PPP3CB: variants seen among roughly 807,000 people sequenced by gnomAD.
The protein encoded by PPP3CB is protein phosphatase 3 catalytic subunit beta, also known as serine/threonine-protein phosphatase 2B catalytic subunit beta isoform.
Under a neutral mutation model 66.4 loss-of-function variants are expected in PPP3CB, and 8 were observed. The ratio of observed to expected loss-of-function variants is 0.12; its 90% confidence interval spans 0.07 to 0.22. PPP3CB has a LOEUF of 0.22. Among genes scored for constraint, PPP3CB ranks in the 10% least tolerant of loss-of-function variants. The probability of loss-of-function intolerance (pLI) is 1.00; values close to 1 mark genes in which losing one functional copy is unlikely to be tolerated. For synonymous variants in PPP3CB, 208 were observed against 221.2 expected, an observed-to-expected ratio of 0.94 and a Z score of 0.53; for missense variants, 319 against 642.5, an observed-to-expected ratio of 0.50 and a Z score of 5.44.
At chr10:73,467,785 G>T in intron 8 of PPP3CB, 107 bp from the exon 9 acceptor site, 2 of 1,056,180 alleles carry the variant, frequency 1.9e-6, no homozygotes, top group Non-Finnish European at 1.3e-6. Context: ...GAGGAAGGGA[G>T]ATCGGGGGTG....
At chr10:73,442,234 G>A (rs2056161197) in intron 12 of PPP3CB, among the ~76,000 whole-genome samples, 1 of 152,148 alleles carries the variant, frequency 6.6e-6, no homozygotes, top group Non-Finnish European at 1.5e-5. Flanking sequence ...CTTAGTCCAT[G>A]CTGAGAATAG....
chr10:73,462,712 G>A (rs936326773), intron 9 of PPP3CB, among the ~76,000 whole-genome samples: 2 of 152,080 alleles, frequency 1.3e-5, no homozygotes, highest in Non-Finnish European at 2.9e-5. Flanking sequence ...CACTTTGGGA[G>A]GTTGAGGTGG....
At chr10:73,476,788 T>C (rs1198510780) in intron 3 of PPP3CB, among the ~76,000 whole-genome samples, 2 of 152,156 alleles carry the variant, frequency 1.3e-5, no homozygotes, top group Non-Finnish European at 2.9e-5. Flanking sequence ...TGAAGCCCTG[T>C]GACAATTTGG....
chr10:73,472,067 T>C (rs961562036), intron 4 of PPP3CB, among the ~76,000 whole-genome samples: 12 of 152,224 alleles, frequency 7.9e-5, no homozygotes, highest in African/African-American at 2.9e-4. Context: ...ATCTGTCTTA[T>C]GAAGACAAAA....
At chr10:73,443,330 A>AAGAAAGAAAGAAAGAG (rs1458015567) in intron 12 of PPP3CB, among the ~76,000 whole-genome samples, 2 of 138,008 alleles carry the variant, frequency 1.4e-5, no homozygotes, top group Non-Finnish European at 3.2e-5. Flanking sequence ...GAAAGAAAGA[A>AAGAAAGAAAGAAAGAG]AAAGAAAGAG....
chr10:73,472,362 G>A (rs2056715414), intron 4 of PPP3CB, among the ~76,000 whole-genome samples: 1 of 152,050 alleles, frequency 6.6e-6, no homozygotes, highest in Non-Finnish European at 1.5e-5. Flanking sequence ...AGGCATGCTG[G>A]TGTGCACCTG....
chr10:73,447,104 T>C (rs1398593285), intron 10 of PPP3CB, among the ~76,000 whole-genome samples: 1 of 152,218 alleles, frequency 6.6e-6, no homozygotes, highest in Non-Finnish European at 1.5e-5. Flanking sequence ...ATGAATGGCA[T>C]GAAGGAGCTA....
chr10:73,462,420 G>A (rs74496369), intron 9 of PPP3CB, among the ~76,000 whole-genome samples: 2 of 151,896 alleles, frequency 1.3e-5, no homozygotes, highest in South Asian at 4.2e-4. Context: ...AACGGTATGA[G>A]GGTCCTACTG....
chr10:73,480,692 G>A (rs747615240), intron 1 of PPP3CB, among the ~76,000 whole-genome samples: 2 of 152,038 alleles, frequency 1.3e-5, no homozygotes, highest in Non-Finnish European at 2.9e-5. Flanking sequence ...TGATCTGCCC[G>A]CCTTGGCTTC....
chr10:73,439,789 G>A, intron 13 of PPP3CB, 83 bp downstream of exon 13: 2 of 1,462,566 alleles, frequency 1.4e-6, no homozygotes, highest in Non-Finnish European at 1.9e-6. Context: ...TAAAAGCTAG[G>A]AGTAAAACAC....
chr10:73,463,807 T>A (rs962114338), intron 9 of PPP3CB, among the ~76,000 whole-genome samples: 1 of 151,852 alleles, frequency 6.6e-6, no homozygotes, highest in African/African-American at 2.4e-5. Flanking sequence ...CTGTAATTTT[T>A]TGTATTTTTA....
intron 9 of PPP3CB, among the ~76,000 whole-genome samples, chr10:73,464,377 T>G (rs953122619): frequency 1.3e-5 from 2 of 152,170 alleles, no homozygotes; most frequent in Non-Finnish European, 2.9e-5. Context: ...CTGTATTTCC[T>G]TGGTACCTTG....
chr10:73,468,664 T>C (rs1285798268), intron 8 of PPP3CB, among the ~76,000 whole-genome samples: 1 of 152,222 alleles, frequency 6.6e-6, no homozygotes, highest in Non-Finnish European at 1.5e-5. Context: ...AATGCAGATG[T>C]TAAATTCCAA....
intron 10 of PPP3CB, among the ~76,000 whole-genome samples, chr10:73,453,478 G>C (rs926958295): frequency 1.3e-5 from 2 of 151,948 alleles, no homozygotes; most frequent in Admixed American, 1.3e-4. Context: ...GCCCAGGCTG[G>C]TCTCCAACTC....
In PPP3CB at chr10:73,437,918, T is replaced by G. The variant is rs1290059562; in HGVS notation, c.*324A>C. On this transcript the variant is annotated 3_prime_UTR_variant, in exon 14 of 14. Transcript: ENST00000360663. ...ATTGAAAAACAAAATCTAATTCTAC[T>G]GAAGGGGAAAAGAAATCTGATTTGT... 4.5e-6 allele frequency: 1 copy of G among 224,202 alleles called. No homozygotes were observed. Among genetic ancestry groups the G allele is most frequent in the Non-Finnish European group, 8.6e-6 (1 of 116,162 alleles). The allele number at this position is 224,202 out of a possible 1,614,324, so 13.9% of individuals were successfully genotyped here. A position where few individuals can be genotyped will look rare whatever the true frequency, so the allele number is the denominator to read the frequency against.
intron 9 of PPP3CB, among the ~76,000 whole-genome samples, chr10:73,460,003 TGAGG>T (rs1217787017): frequency 6.6e-6 from 1 of 152,098 alleles, no homozygotes; most frequent in African/African-American, 2.4e-5. Context: ...AAGAAAAGTA[TGAGG>T]GTATAAAACT....
chr10:73,453,541 G>A (rs1244700874), intron 10 of PPP3CB, among the ~76,000 whole-genome samples: 1 of 152,124 alleles, frequency 6.6e-6, no homozygotes, highest in Non-Finnish European at 1.5e-5. Context: ...GGGATTACAG[G>A]CGTGAGCCAC....
At chr10:73,442,473 G>A (rs1216733284) in intron 12 of PPP3CB, among the ~76,000 whole-genome samples, 1 of 152,154 alleles carries the variant, frequency 6.6e-6, no homozygotes, top group Non-Finnish European at 1.5e-5. Context: ...CTATACTGTA[G>A]ATTTATTTAA....
intron 1 of PPP3CB, among the ~76,000 whole-genome samples, chr10:73,486,291 A>C (rs1440675253): frequency 5.4e-5 from 7 of 130,728 alleles, no homozygotes; most frequent in Non-Finnish European, 1.1e-4. Flanking sequence ...TGTTGGCCAG[A>C]CTGGTTTTTT....
Sources: allele counts gnomAD v4.1 joint callset (sites outside exome capture counted in the v4.1 genomes callset), GRCh38; gene constraint gnomAD v4.1.1; transcripts MANE v1.5; gene names NCBI Gene and HGNC (gene_info 2026-07-23, HGNC 2026-07-21).